Variants in AKR1D1 observed in about 807,000 individuals in gnomAD.
AKR1D1 encodes the protein delta(4)-3-ketosteroid 5-beta-reductase.
A neutral mutation model predicts 42.6 loss-of-function variants in AKR1D1; 32 were observed. The observed-to-expected ratio is 0.75, with a 90% CI of 0.57 to 1.01. AKR1D1 has a LOEUF of 1.01. Ranked by LOEUF, AKR1D1 falls within the 50% of genes least tolerant of loss-of-function variation. AKR1D1 has a pLI of 0.00. For missense variants in AKR1D1, 364 were observed against 402.2 expected, an observed-to-expected ratio of 0.91 and a Z score of 0.81; for synonymous variants, 123 against 135.5, an observed-to-expected ratio of 0.91 and a Z score of 0.64.
At chr7:138,101,735 C>T (rs1794322884) in intron 4 of AKR1D1, among the ~76,000 whole-genome samples, 1 of 152,144 alleles carries the variant, frequency 6.6e-6, no homozygotes, top group Middle Eastern at 3.4e-3. Context: ...AGAATCTGTG[C>T]AAGAGCTATA....
At position 138,117,079 on chromosome 7, in the gene AKR1D1, A is replaced by G. The variant is rs151234162; in HGVS notation, c.*417A>G. On this transcript the variant is annotated 3_prime_UTR_variant, in exon 9 of 9. Coordinates refer to ENST00000242375, the MANE Select transcript of AKR1D1 (RefSeq NM_005989.4). ...GCTGGCAGTGGCCTTGAGGCTTTGG[A>G]CCATTGGTTACAAAACAGACACAGC... 7.5e-4 allele frequency: 128 copies of G among 170,936 alleles called. 2 individuals are homozygous for G. In the East Asian group the frequency reaches 0.02, roughly 26 times the overall value. The allele number at this position is 170,936 out of a possible 1,614,324, so 10.6% of individuals were successfully genotyped here.
At chr7:138,105,541 C>G in intron 5 of AKR1D1, 112 bp downstream of exon 5, 2 of 1,457,898 alleles carry the variant, frequency 1.4e-6, no homozygotes, top group South Asian at 2.4e-5. Flanking sequence ...ACCTAAATCT[C>G]ATCATGGGAC....
At chr7:138,105,940 A>G (rs2117461396) in intron 5 of AKR1D1, among the ~76,000 whole-genome samples, 1 of 152,296 alleles carries the variant, frequency 6.6e-6, no homozygotes, top group South Asian at 2.1e-4. Flanking sequence ...AAAAAATGAG[A>G]AAAAACACTA....
chr7:138,113,256 C>T (rs1304380252), intron 7 of AKR1D1, among the ~76,000 whole-genome samples: 1 of 150,696 alleles, frequency 6.6e-6, no homozygotes, highest in African/African-American at 2.5e-5. Context: ...GTGGAGGTTG[C>T]AGTGAGCCAA....
At chr7:138,108,618 G>C (rs939762532) in intron 7 of AKR1D1, among the ~76,000 whole-genome samples, 2 of 152,146 alleles carry the variant, frequency 1.3e-5, no homozygotes, top group Admixed American at 6.5e-5. Flanking sequence ...TAAAAGTAAG[G>C]AGTAGAATAG....
At position 138,107,479 on chromosome 7, in the gene AKR1D1, A is replaced by G. The variant is rs757956464; in HGVS notation, c.754A>G (p.Asn252Asp). 1.2e-6 allele frequency: 2 copies of G among 1,614,202 alleles called. No homozygotes were observed. The highest frequency in any genetic ancestry group is 2.2e-5 in the South Asian group (2 of 91,088). ...ALLNSLGKRY[N>D]KTAAQIVLRF... ...TCTAAACTCATTGGGGAAAAGGTAC[A>G]ATAAGACAGCAGCTCAAATTGTTTT... Residue 252 changes from asparagine (N) to aspartate (D), a missense_variant, in exon 7 of 9, where the codon AAT (asparagine) becomes GAT (aspartate). By Grantham distance (23) the Asn-to-Asp change is conservative (BLOSUM62 1). Transcript: ENST00000242375.
chr7:138,080,258 C>T (rs972872833), intron 1 of AKR1D1, among the ~76,000 whole-genome samples: 6 of 152,122 alleles, frequency 3.9e-5, no homozygotes, highest in African/African-American at 7.2e-5. Flanking sequence ...TTAATAGAGA[C>T]GAGGTATCTC....
At chr7:138,105,907 A>G (rs10244250) in intron 5 of AKR1D1, among the ~76,000 whole-genome samples, 20 of 151,560 alleles carry the variant, frequency 1.3e-4, no homozygotes, top group Middle Eastern at 3.4e-3. Flanking sequence ...ACAACAAAAA[A>G]AAATCTAATG....
chr7:138,084,449 G>T (rs762599159), intron 1 of AKR1D1, among the ~76,000 whole-genome samples: 4 of 151,690 alleles, frequency 2.6e-5, no homozygotes, highest in Non-Finnish European at 5.9e-5. Flanking sequence ...AAACTCCTGG[G>T]CTCAAGCGAT....
intron 3 of AKR1D1, among the ~76,000 whole-genome samples, chr7:138,093,071 CTT>C (rs200473265): frequency 1.1e-4 from 16 of 140,824 alleles, no homozygotes; most frequent in Admixed American, 2.1e-4. Flanking sequence ...ATACTAATTA[CTT>C]TTTTTTTTTT....
At chr7:138,110,338 C>T (rs1382301947) in intron 7 of AKR1D1, among the ~76,000 whole-genome samples, 4 of 152,184 alleles carry the variant, frequency 2.6e-5, no homozygotes, top group African/African-American at 7.2e-5. Flanking sequence ...GTGGTTCACA[C>T]CTGTAATCCC....
At position 138,118,198 on chromosome 7, in the gene AKR1D1, G is replaced by C. The variant is rs1794678859; in HGVS notation, c.*1536G>C. Among the ~76,000 whole-genome samples, 1 of 152,138 alleles carries C rather than the reference G, an allele frequency of 6.6e-6. No individual in the cohort carries two copies. Among genetic ancestry groups the C allele is most frequent in the Non-Finnish European group, 1.5e-5 (1 of 68,006 alleles). On this transcript the variant is annotated 3_prime_UTR_variant, in exon 9 of 9. Coordinates refer to ENST00000242375, the MANE Select transcript of AKR1D1 (RefSeq NM_005989.4). ...AGAAATTATCATTTTAAAAAATTTGGTCTATACTGATTGTTTTCACTGATT... is the reference window on the plus strand; with the variant it reads ...AGAAATTATCATTTTAAAAAATTTGCTCTATACTGATTGTTTTCACTGATT...
At chr7:138,091,513 G>A (rs946766868) in intron 2 of AKR1D1, among the ~76,000 whole-genome samples, 2 of 152,050 alleles carry the variant, frequency 1.3e-5, no homozygotes, top group Admixed American at 6.6e-5. Flanking sequence ...ACATATTTTT[G>A]TGAAATGAAA....
chr7:138,105,176 T>G, intron 4 of AKR1D1, 131 bp from the exon 5 acceptor site: 1 of 1,317,342 alleles, frequency 7.6e-7, no homozygotes, highest in East Asian at 2.3e-5. Flanking sequence ...CTTCTTTTAC[T>G]TTTTTTCGCA....
intron 3 of AKR1D1, among the ~76,000 whole-genome samples, chr7:138,093,510 G>A (rs1794126600): frequency 6.6e-6 from 1 of 151,954 alleles, no homozygotes; most frequent in African/African-American, 2.4e-5. Flanking sequence ...CCTACACAGG[G>A]TCAGCATCAT....
chr7:138,080,564 A>C (rs1164689440), intron 1 of AKR1D1, among the ~76,000 whole-genome samples: 1 of 152,230 alleles, frequency 6.6e-6, no homozygotes, highest in Non-Finnish European at 1.5e-5. Flanking sequence ...TAATATTTGG[A>C]ATATGCATAT....
chr7:138,080,755 A>G (rs1218485003), intron 1 of AKR1D1, among the ~76,000 whole-genome samples: 1 of 152,106 alleles, frequency 6.6e-6, no homozygotes, highest in African/African-American at 2.4e-5. Context: ...TAGTACTACC[A>G]TGTAGCCTCT....
chr7:138,090,678 C>T (rs948184330), intron 2 of AKR1D1, among the ~76,000 whole-genome samples: 24 of 150,630 alleles, frequency 1.6e-4, no homozygotes, highest in Non-Finnish European at 3.3e-4. Context: ...TGATTCTAAA[C>T]TTATATCCCC....
In AKR1D1 at chr7:138,113,708, A is replaced by G; in HGVS notation, c.874A>G (p.Thr292Ala). ...ATTTCAGATCTTTGACTTTTCTCTCACTGAAGAAGAAATGAAGGACATTGA... is the reference window on the plus strand; with the variant it reads ...ATTTCAGATCTTTGACTTTTCTCTCGCTGAAGAAGAAATGAAGGACATTGA... ...ENFQIFDFSL[T>A]EEEMKDIEAL... Residue 292 changes from threonine to alanine, a missense_variant, in exon 8 of 9, where the codon ACT becomes GCT. By Grantham distance (58) the Thr-to-Ala change is moderately conservative. Coordinates refer to ENST00000242375, the MANE Select transcript of AKR1D1 (RefSeq NM_005989.4). 1 of 1,614,090 alleles carries G rather than the reference A, an allele frequency of 6.2e-7. No individual in the cohort carries two copies. The highest frequency in any genetic ancestry group is 8.5e-7 in the Non-Finnish European group (1 of 1,179,934).
Sources: allele counts gnomAD v4.1 joint callset (sites outside exome capture counted in the v4.1 genomes callset), GRCh38; gene constraint gnomAD v4.1.1; transcripts MANE v1.5; gene names NCBI Gene and HGNC (gene_info 2026-07-23, HGNC 2026-07-21).